The following C9orf153 variants were observed in gnomAD, a reference collection of about 807,000 sequenced individuals.
C9orf153 encodes the protein chromosome 9 open reading frame 153.
In C9orf153, 10 loss-of-function variants were observed where a neutral mutation model predicts 9.0. The observed-to-expected ratio is 1.11, with a 90% CI of 0.69 to 1.89. C9orf153 has a LOEUF of 1.89. C9orf153 is among the 40% of genes most tolerant of loss of function. C9orf153 has a pLI of 0.00. For synonymous variants in C9orf153, 35 were observed against 37.3 expected (o/e 0.94, Z 0.23); for missense variants, 108 against 111.0 (o/e 0.97, Z 0.12).
intron 3 of C9orf153, among the ~76,000 whole-genome samples, chr9:86,225,399 C>T (rs896969219): frequency 4.3e-5 from 4 of 92,938 alleles, no homozygotes; most frequent in South Asian, 4.6e-4. Flanking sequence ...TTCTTTCTTT[C>T]TCTCTCTCTC....
chr9:86,235,361 T>G (rs1301565801), intron 1 of C9orf153, among the ~76,000 whole-genome samples: 1 of 152,098 alleles, frequency 6.6e-6, no homozygotes, highest in Non-Finnish European at 1.5e-5. Flanking sequence ...GTCAGAGAAA[T>G]GCAGAATGCC....
intron 1 of C9orf153, among the ~76,000 whole-genome samples, chr9:86,254,548 A>G (rs528020272): frequency 2.8e-4 from 42 of 152,286 alleles, no homozygotes; most frequent in South Asian, 8.3e-4. Flanking sequence ...AATCTGTCAG[A>G]TTGCTACTGC....
chr9:86,223,285 G>A (rs1034507906), intron 3 of C9orf153, among the ~76,000 whole-genome samples: 3 of 152,052 alleles, frequency 2.0e-5, no homozygotes, highest in Non-Finnish European at 4.4e-5. Context: ...CTGGCCAACA[G>A]GGAGAAACCT....
rs1179179937 is a variant in C9orf153, at chr9:86,220,569, C to G, written c.*1119G>C. 1 of 152,078 alleles carries G rather than the reference C, an allele frequency of 6.6e-6. No homozygotes were observed. The highest frequency in any genetic ancestry group is 2.4e-5 in the African/African-American group (1 of 41,418). The allele number at this position is 152,078 out of a possible 1,614,324, so 9.4% of individuals were successfully genotyped here. On this transcript the variant is annotated 3_prime_UTR_variant, in exon 4 of 4. Transcript: ENST00000339137. ...CTGACCTCTATTGTTAATGAGCATTCTATTGTCAATTTGTCATTTCTTTGT... is the reference window on the plus strand; with the variant it reads ...CTGACCTCTATTGTTAATGAGCATTGTATTGTCAATTTGTCATTTCTTTGT...
chr9:86,227,758 G>A, intron 3 of C9orf153, 97 bp downstream of exon 3: 9 of 1,485,046 alleles, frequency 6.1e-6, no homozygotes, highest in Non-Finnish European at 7.1e-6. Context: ...GCTGGGACCT[G>A]GAGAGCCTCT....
At chr9:86,239,257 TA>T (rs57839282) in intron 1 of C9orf153, among the ~76,000 whole-genome samples, 335 of 145,010 alleles carry the variant, frequency 2.3e-3, no homozygotes, top group Non-Finnish European at 2.6e-3. Context: ...GAGACTCTGT[TA>T]AAAAAAAAAA....
intron 3 of C9orf153, among the ~76,000 whole-genome samples, chr9:86,225,607 C>T (rs1050911702): frequency 3.3e-5 from 5 of 151,954 alleles, no homozygotes; most frequent in East Asian, 1.9e-4. Flanking sequence ...TACAGGTGCC[C>T]GCCGCAACGC....
chr9:86,237,939 G>C (rs113411714), intron 1 of C9orf153, among the ~76,000 whole-genome samples: 2,401 of 152,182 alleles, frequency 0.016, 27 homozygotes, highest in Middle Eastern at 0.041. Flanking sequence ...AAATTAGCCA[G>C]GTGTGGTGGC....
chr9:86,224,308 G>A (rs1461546286), intron 3 of C9orf153, among the ~76,000 whole-genome samples: 9 of 152,008 alleles, frequency 5.9e-5, no homozygotes, highest in Admixed American at 5.9e-4. Flanking sequence ...GATTGCTTGA[G>A]CCCAGAAGGT....
chr9:86,237,968 C>G (rs1824638101), intron 1 of C9orf153, among the ~76,000 whole-genome samples: 1 of 152,036 alleles, frequency 6.6e-6, no homozygotes, highest in African/African-American at 2.4e-5. Context: ...GTAGTTAGTC[C>G]CAGCTACTCG....
At chr9:86,241,325 G>A (rs1217409771) in intron 1 of C9orf153, among the ~76,000 whole-genome samples, 1 of 149,808 alleles carries the variant, frequency 6.7e-6, no homozygotes, top group African/African-American at 2.5e-5. Flanking sequence ...GCATGTTCCA[G>A]GTCCTGCCCG....
intron 3 of C9orf153, among the ~76,000 whole-genome samples, chr9:86,225,360 TTC>T (rs1824299720): frequency 3.3e-5 from 5 of 151,818 alleles, no homozygotes; most frequent in African/African-American, 4.8e-5. Flanking sequence ...CCTTCCTTCC[TTC>T]CTTCTTTCTT....
At position 86,227,820 on chromosome 9, in the gene C9orf153, T is replaced by C. The variant is rs754300659; in HGVS notation, c.242+35A>G. On this transcript the variant is annotated intron_variant, in intron 3 of 3. Coordinates refer to ENST00000339137, the MANE Select transcript of C9orf153 (RefSeq NM_001276366.4). ...AAGCTGCGGTAGAGGAGCTCAATCA[T>C]GGATGCTTGCTTCTCTTTTTTAACC... 2.5e-6 allele frequency: 4 copies of C among 1,585,632 alleles called. No individual in the cohort carries two copies. In the African/African-American group the frequency reaches 4.1e-5, roughly 16 times the overall value.
intron 1 of C9orf153, among the ~76,000 whole-genome samples, chr9:86,238,108 A>G (rs138924764): frequency 7.4e-4 from 113 of 152,238 alleles, no homozygotes; most frequent in African/African-American, 2.6e-3. Flanking sequence ...AAAACAAAAC[A>G]AAAAACCCAA....
chr9:86,236,417 C>T (rs192355298), intron 1 of C9orf153, among the ~76,000 whole-genome samples: 244 of 151,992 alleles, frequency 1.6e-3, no homozygotes, highest in Admixed American at 2.6e-3. Context: ...AGCTTAGTGG[C>T]GTGCATCTGT....
chr9:86,224,974 C>G (rs1004081129), intron 3 of C9orf153, among the ~76,000 whole-genome samples: 1 of 151,204 alleles, frequency 6.6e-6, no homozygotes, highest in African/African-American at 2.4e-5. Flanking sequence ...TTGTTCCGGC[C>G]CTTGTCTGCG....
chr9:86,248,290 C>A (rs1306917193), intron 1 of C9orf153, among the ~76,000 whole-genome samples: 6 of 151,876 alleles, frequency 4.0e-5, no homozygotes, highest in Admixed American at 1.3e-4. Context: ...CCTGCCACCA[C>A]CCCCGGCTAA....
chr9:86,240,181 T>C (rs777159944), intron 1 of C9orf153, among the ~76,000 whole-genome samples: 25 of 152,158 alleles, frequency 1.6e-4, no homozygotes, highest in Non-Finnish European at 3.2e-4. Context: ...AATCCCCATT[T>C]TACATTTGAA....
chr9:86,239,274 A>G (rs1824676207), intron 1 of C9orf153, among the ~76,000 whole-genome samples: 1 of 151,056 alleles, frequency 6.6e-6, no homozygotes, highest in Non-Finnish European at 1.5e-5. Flanking sequence ...AAAAAAAATC[A>G]TATATGATTC....
Sources: allele counts gnomAD v4.1 joint callset (sites outside exome capture counted in the v4.1 genomes callset), GRCh38; gene constraint gnomAD v4.1.1; transcripts MANE v1.5; gene names NCBI Gene and HGNC (gene_info 2026-07-23, HGNC 2026-07-21).